FAAP100: variants seen among roughly 807,000 people sequenced by gnomAD.
FAAP100 encodes the protein FA core complex associated protein 100.
A neutral mutation model predicts 65.8 loss-of-function variants in FAAP100; 46 were observed. The ratio of observed to expected loss-of-function variants is 0.70; its 90% CI spans 0.55 to 0.89. The LOEUF is 0.89. FAAP100 is among the 40% of genes least tolerant of loss of function. The pLI is 0.00. For synonymous variants in FAAP100, 663 were observed against 555.1 expected (o/e 1.19, Z -2.73); for missense variants, 1,165 against 1,196.7 (o/e 0.97, Z 0.39).
chr17:81,544,471 T>C (rs554430460), intron 6 of FAAP100, among the ~76,000 whole-genome samples: 5 of 152,272 alleles, frequency 3.3e-5, no homozygotes, highest in East Asian at 1.9e-4. Flanking sequence ...ACAACCTACA[T>C]GTAGATCCTG....
intron 7 of FAAP100, 72 bp downstream of exon 7, chr17:81,543,932 A>T: frequency 7.2e-7 from 1 of 1,383,060 alleles, no homozygotes; most frequent in Non-Finnish European, 1.0e-6. Flanking sequence ...GCCAGCAGCT[A>T]CAGGGTCCCA....
rs2033090856 is a variant in FAAP100, at chr17:81,541,409, G to A, written c.2428-14C>T. On this transcript the variant is annotated splice_polypyrimidine_tract_variant and intron_variant, in intron 7 of 8. Transcript: ENST00000327787. ...TGTCACCATCGTCTGGGGGACACAG[G>A]AGACATGCTGGAGAGGGTGTGCCCC... 2 of 1,589,406 alleles carry A rather than the reference G, an allele frequency of 1.3e-6. No individual in the cohort carries two copies. The highest frequency in any genetic ancestry group is 2.7e-5 in the African/African-American group (2 of 74,528).
chr17:81,544,168 G>T (rs1568092693), intron 6 of FAAP100, 48 bp from the exon 7 acceptor site: 1 of 1,481,142 alleles, frequency 6.8e-7, no homozygotes, highest in African/African-American at 1.4e-5. Flanking sequence ...ACTCCCACCT[G>T]CCCGGGGGGC....
intron 8 of FAAP100, 128 bp downstream of exon 8, chr17:81,541,181 A>C: frequency 8.4e-7 from 1 of 1,192,616 alleles, no homozygotes; most frequent in South Asian, 1.4e-5. Context: ...ACTTTGCCCC[A>C]GGCCCATGGG....
Position 81,547,584 on chromosome 17 carries a change from C to T in FAAP100, c.1498G>A (p.Gly500Ser), listed in dbSNP as rs2033356472. The change falls in exon 5 of 9, where the codon GGC (glycine) becomes AGC (serine). Residue 500 changes from glycine to serine, a missense_variant. Coordinates refer to ENST00000327787, the MANE Select transcript of FAAP100 (RefSeq NM_025161.6). The stretch of plus-strand genomic sequence containing the variant: ...CAGGAGATGGGTCTGGGGCCCGTGC[C>T]GCTTGACAGCAGTGCACAGCTCACG... Reference protein sequence around the residue: ...MNVSCALLSSGTGPRPISCTT... With the variant: ...MNVSCALLSSSTGPRPISCTT... The T allele has an allele frequency of 8.1e-6, 13 of 1,613,518 alleles. No homozygotes were observed. Among genetic ancestry groups the T allele is most frequent in the African/African-American group, 1.3e-5 (1 of 75,064 alleles).
Position 81,547,409 on chromosome 17 carries a change from G to C in FAAP100, c.1673C>G (p.Ser558Trp), listed in dbSNP as rs143230538. The C allele has an allele frequency of 2.5e-6, 4 of 1,612,870 alleles. No homozygotes were observed. Among genetic ancestry groups the C allele is most frequent in the Non-Finnish European group, 3.4e-6 (4 of 1,180,020 alleles). The change falls in exon 5 of 9, where the codon TCG becomes TGG. Residue 558 changes from serine (S) to tryptophan (W), a missense_variant. Transcript: ENST00000327787. Reference protein sequence around the residue: ...LTSSCALDLDSACSAITYTIP... With the variant: ...LTSSCALDLDWACSAITYTIP... ...GGTGTAGGTGATGGCGGAGCAGGCC[G>C]AGTCCAGGTCGAGAGCACAGGAGCT...
upstream of FAAP100, among the ~76,000 whole-genome samples, chr17:81,552,533 C>G (rs898989381): frequency 6.6e-6 from 1 of 152,118 alleles, no homozygotes; most frequent in African/African-American, 2.4e-5. Flanking sequence ...GGGGAGCCTT[C>G]CTAGGGGCCG....
At position 81,547,237 on chromosome 17, in the gene FAAP100, G is replaced by T; in HGVS notation, c.1845C>A (p.Ala615=). The change falls in exon 5 of 9, where the codon GCC becomes GCA. Residue 615 remains alanine, a synonymous_variant. Coordinates refer to ENST00000327787, the MANE Select transcript of FAAP100 (RefSeq NM_025161.6). ...GAAAGGGGTCCTCAGAGTCTGAGGG[G>T]GCAAGGGCCCCGCCCACCACCTCCC... ...SLREVVGGAL[A]PSDSEDPFLD... The T allele has an allele frequency of 1.3e-6, 2 of 1,585,874 alleles. No individual in the cohort carries two copies. Among genetic ancestry groups the T allele is most frequent in the Non-Finnish European group, 8.6e-7 (1 of 1,163,270 alleles).
intron 1 of FAAP100, 47 bp from the exon 2 acceptor site, chr17:81,552,099 G>C (rs899679689): frequency 6.0e-5 from 88 of 1,459,542 alleles, no homozygotes; most frequent in Non-Finnish European, 7.5e-5. Flanking sequence ...GCGGGCCCGC[G>C]GTCTTCATTT....
At position 81,550,873 on chromosome 17, in the gene FAAP100, G is replaced by A. The variant is rs763395139; in HGVS notation, c.621C>T (p.Val207=). ...LCSVSPSGSR[V]PHDLLGGSGG... is the part of the protein sequence containing the mutation. ...CGGAGCCCCCGAGGAGGTCGTGCGG[G>A]ACCCTGGAGCCTGATGGTGACACAG... Residue 207 remains valine (V), a synonymous_variant, in exon 3 of 9, where the codon GTC becomes GTT. Transcript: ENST00000327787. The A allele has an allele frequency of 4.3e-6, 7 of 1,612,440 alleles. No homozygotes were observed. The highest frequency in any genetic ancestry group is 5.9e-6 in the Non-Finnish European group (7 of 1,179,776).
chr17:81,550,578 C>G lies in FAAP100; in HGVS notation c.916G>C (p.Asp306His), dbSNP rs930182995. The change falls in exon 3 of 9, where the codon GAT (aspartate) becomes CAT (histidine). Residue 306 changes from aspartate (D) to histidine (H), a missense_variant. Coordinates refer to ENST00000327787, the MANE Select transcript of FAAP100 (RefSeq NM_025161.6). ...EAAENFLPDE[D>H]VHCDCLVAFG... is the part of the protein sequence containing the mutation. Reference sequence around the variant, plus strand: ...GCCACCAGGCAGTCACAGTGCACATCCTCGTCAGGCAGAAAATTCTCTGCA... The same window carrying G: ...GCCACCAGGCAGTCACAGTGCACATGCTCGTCAGGCAGAAAATTCTCTGCA... 1.2e-6 allele frequency: 2 copies of G among 1,612,908 alleles called. No individual in the cohort carries two copies.
intron 6 of FAAP100, among the ~76,000 whole-genome samples, chr17:81,544,570 C>G (rs992101811): frequency 3.9e-5 from 6 of 152,182 alleles, no homozygotes; most frequent in African/African-American, 1.4e-4. Context: ...GCTGTGGGCA[C>G]TGGGAGCTGC....
At chr17:81,545,150 C>G (rs574349203) in intron 6 of FAAP100, among the ~76,000 whole-genome samples, 389 of 152,288 alleles carry the variant, frequency 2.6e-3, no homozygotes, top group African/African-American at 8.6e-3. Context: ...AGCCTGGAGA[C>G]AGAGCGAGAC....
Position 81,540,761 on chromosome 17 carries a change from G to GT in FAAP100, c.*57_*58insA. On this transcript the variant is annotated 3_prime_UTR_variant, in exon 9 of 9. Coordinates refer to ENST00000327787, the MANE Select transcript of FAAP100 (RefSeq NM_025161.6). ...GGTTTCCCTCTAACCCATGAGGCCT[G>GT]GGGGGGCTGTGACAGAGGCTGGAAG... is the stretch of plus-strand genomic sequence containing the variant. 6.9e-7 allele frequency: 1 copy of GT among 1,451,828 alleles called. No individual in the cohort carries two copies. Among genetic ancestry groups the GT allele is most frequent in the African/African-American group, 1.4e-5 (1 of 70,930 alleles). The allele number at this position is 1,451,828 out of a possible 1,614,324, so 89.9% of individuals were successfully genotyped here.
Position 81,544,395 on chromosome 17 carries a change from C to T in FAAP100, c.2311-275G>A, listed in dbSNP as rs1598592231. ...CCATCCCTCAGACCTGTGGAATTCA[C>T]GCAGGGCCTCGAGCCAGACTGGGGC... On this transcript the variant is annotated intron_variant, in intron 6 of 8. Transcript: ENST00000327787. 3.9e-5 allele frequency among the ~76,000 whole-genome samples: 6 copies of T among 152,342 alleles called. 1 individual carries two copies. In the South Asian group the frequency reaches 1.0e-3, roughly 26 times the overall value.
At position 81,547,394 on chromosome 17, in the gene FAAP100, A is replaced by AT. The variant is rs1171086423; in HGVS notation, c.1687dup (p.Ile563AsnfsTer26). On this transcript the variant is annotated frameshift_variant, in exon 5 of 9. Transcript: ENST00000327787. LOFTEE classifies it high-confidence loss of function. The stretch of plus-strand genomic sequence containing the variant: ...CTGGTCCACGGGGATGGTGTAGGTG[A>AT]TGGCGGAGCAGGCCGAGTCCAGGTC... 47 of 1,612,726 alleles carry AT rather than the reference A, an allele frequency of 2.9e-5. No homozygotes were observed. Among genetic ancestry groups the AT allele is most frequent in the Non-Finnish European group, 3.9e-5 (46 of 1,180,004 alleles).
At position 81,550,970 on chromosome 17, in the gene FAAP100, A is replaced by C; in HGVS notation, c.524T>G (p.Leu175Arg). 6.2e-7 allele frequency: 1 copy of C among 1,612,092 alleles called. No homozygotes were observed. The highest frequency in any genetic ancestry group is 1.1e-5 in the South Asian group (1 of 90,908). ...CCCGGCTGGGGGCGTGTAGGAGGAC[A>C]GCTCCACCTCACCGATCTGGCCTCC... ...RPGGQIGEVELSSYTPPAGVP... is the reference protein window; with the variant it reads ...RPGGQIGEVERSSYTPPAGVP... The change falls in exon 3 of 9, where the codon CTG becomes CGG. Residue 175 changes from leucine to arginine, a missense_variant. Coordinates refer to ENST00000327787, the MANE Select transcript of FAAP100 (RefSeq NM_025161.6).
intron 5 of FAAP100, chr17:81,546,667 G>A: frequency 2.5e-6 from 1 of 397,144 alleles, no homozygotes; most frequent in South Asian, 1.4e-4. Flanking sequence ...CCCAGGAGCA[G>A]CTGGGAGAGG....
chr17:81,552,730 C>T (rs1490055151), upstream of FAAP100, among the ~76,000 whole-genome samples: 3 of 152,210 alleles, frequency 2.0e-5, no homozygotes, highest in Non-Finnish European at 2.9e-5. Flanking sequence ...GCGTAAACGC[C>T]TCGATTCTCT....
Sources: gnomAD v4.1 joint callset for allele counts (sites outside exome capture counted in the v4.1 genomes callset) on GRCh38, gnomAD v4.1.1 for gene constraint, MANE v1.5 for transcripts, NCBI Gene and HGNC (gene_info 2026-07-23, HGNC 2026-07-21) for gene names.